The following DHRS7C variants were observed in gnomAD, a reference collection of about 807,000 sequenced individuals.
DHRS7C encodes dehydrogenase/reductase 7C, also known as dehydrogenase/reductase SDR family member 7C.
DHRS7C carries 28 observed loss-of-function variants against 29.6 expected under a neutral mutation model. The observed-to-expected ratio is 0.95, with a 90% CI of 0.70 to 1.30. The LOEUF is 1.30. DHRS7C is among the 50% of genes most tolerant of loss of function. DHRS7C has a pLI of 0.00. For synonymous variants in DHRS7C, 158 were observed against 160.2 expected, an observed-to-expected ratio of 0.99 and a Z score of 0.10; for missense variants, 403 against 393.3, an observed-to-expected ratio of 1.02 and a Z score of -0.21.
At chr17:9,783,331 C>T (rs374264974) in intron 1 of DHRS7C, among the ~76,000 whole-genome samples, 4 of 152,038 alleles carry the variant, frequency 2.6e-5, no homozygotes, top group East Asian at 1.9e-4. Flanking sequence ...AGAGGCTGTC[C>T]GTGATGAGTC....
At chr17:9,789,571 T>C (rs554175119) in intron 1 of DHRS7C, among the ~76,000 whole-genome samples, 2 of 151,978 alleles carry the variant, frequency 1.3e-5, no homozygotes, top group Non-Finnish European at 2.9e-5. Flanking sequence ...AATACACTAA[T>C]GTGGTGTGCA....
chr17:9,791,369 A>G lies in DHRS7C; in HGVS notation c.-85T>C. The G allele has an allele frequency of 2.0e-6, 3 of 1,498,516 alleles. No individual in the cohort carries two copies. The highest frequency in any genetic ancestry group is 1.3e-5 in the South Asian group (1 of 76,852). 92.8% of individuals were successfully genotyped at this position (1,498,516 alleles called of 1,614,324 possible). A position where few individuals can be genotyped will look rare whatever the true frequency, so the allele number is the denominator to read the frequency against. ...GACTCCCAGGGCAGGGGGAGGCCCA[A>G]GGCTGCAGGGAGCTCAGCTCTGTGC... is the stretch of plus-strand genomic sequence containing the variant. On this transcript the variant is annotated 5_prime_UTR_variant, in exon 1 of 6. Transcript: ENST00000571134.
chr17:9,781,741 T>C, intron 1 of DHRS7C, 147 bp from the exon 2 acceptor site: 1 of 692,112 alleles, frequency 1.4e-6, no homozygotes, highest in Non-Finnish European at 2.4e-6. Context: ...TTGAACTCCC[T>C]CCCCGGGCTG....
chr17:9,790,719 GT>G (rs1006248353), intron 1 of DHRS7C, among the ~76,000 whole-genome samples: 1 of 152,220 alleles, frequency 6.6e-6, no homozygotes, highest in Admixed American at 6.5e-5. Flanking sequence ...CAGATGAGAA[GT>G]TTAAGGCAGA....
intron 1 of DHRS7C, among the ~76,000 whole-genome samples, chr17:9,789,629 G>C (rs2066443138): frequency 6.6e-6 from 1 of 152,124 alleles, no homozygotes; most frequent in South Asian, 2.1e-4. Context: ...CCATTCAAGA[G>C]GAAGGAGCAA....
chr17:9,776,319 A>T (rs767185292), intron 4 of DHRS7C, among the ~76,000 whole-genome samples: 7 of 152,236 alleles, frequency 4.6e-5, no homozygotes, highest in African/African-American at 1.7e-4. Context: ...TCTGCAAGCC[A>T]GGGAGAAGGG....
intron 1 of DHRS7C, among the ~76,000 whole-genome samples, chr17:9,790,380 C>A (rs1230728088): frequency 6.6e-6 from 1 of 152,208 alleles, no homozygotes. Context: ...AACTTAAGGA[C>A]AATTACGGCC....
intron 2 of DHRS7C, 44 bp downstream of exon 2, chr17:9,781,438 G>A: frequency 1.3e-6 from 2 of 1,576,652 alleles, no homozygotes; most frequent in Non-Finnish European, 1.7e-6. Flanking sequence ...ATGGAGGCTG[G>A]GAGTTCCCAG....
intron 1 of DHRS7C, among the ~76,000 whole-genome samples, chr17:9,789,307 G>A (rs765341124): frequency 3.3e-5 from 5 of 152,140 alleles, no homozygotes; most frequent in African/African-American, 4.8e-5. Flanking sequence ...CATACAGAGC[G>A]TATTCTCCAA....
At position 9,774,921 on chromosome 17, in the gene DHRS7C, C is replaced by A. The variant is rs1390955567; in HGVS notation, c.572-1999G>T. On this transcript the variant is annotated intron_variant, in intron 4 of 5. Transcript: ENST00000571134. This position sits in a 1 kb window ranked among gnomAD's most constrained non-coding sequence, Gnocchi z 5.0. ...GACATTTACATGGGAAACTCTGTGC[C>A]CCTCAATTCCTCAGCTTCAGAGAAG... is the stretch of plus-strand genomic sequence containing the variant. 6.6e-6 allele frequency among the ~76,000 whole-genome samples: 1 copy of A among 152,106 alleles called. No homozygotes were observed. The highest frequency in any genetic ancestry group is 1.5e-5 in the Non-Finnish European group (1 of 68,024).
chr17:9,779,495 T>G (rs1467607852), intron 3 of DHRS7C, among the ~76,000 whole-genome samples: 4 of 152,062 alleles, frequency 2.6e-5, no homozygotes, highest in Non-Finnish European at 5.9e-5. Context: ...GTTGAGACAA[T>G]TGTTGGAGGA....
chr17:9,781,884 AC>A (rs929977973), intron 1 of DHRS7C, among the ~76,000 whole-genome samples: 1 of 152,200 alleles, frequency 6.6e-6, no homozygotes, highest in Non-Finnish European at 1.5e-5. Context: ...AGAAGGATGA[AC>A]CTGCCCACCT....
chr17:9,771,840 G>A (rs2066330934), intron 5 of DHRS7C, 144 bp from the exon 6 acceptor site: 7 of 778,988 alleles, frequency 9.0e-6, no homozygotes, highest in South Asian at 4.4e-5. Flanking sequence ...CGCCACCCGC[G>A]GACCGCGGCG....
In DHRS7C at chr17:9,777,238, C is replaced by T. The variant is rs748031578; in HGVS notation, c.526G>A (p.Val176Met). The change falls in exon 4 of 6, where the codon GTG becomes ATG. Residue 176 changes from valine (V) to methionine (M), a missense_variant. Physicochemically the swap from Val to Met is conservative, Grantham distance 21. Coordinates refer to ENST00000571134, the MANE Select transcript of DHRS7C (RefSeq NM_001105571.3). ...ISRRTGQIVLVNNIQGKFGIP... is the reference protein window; with the variant it reads ...ISRRTGQIVLMNNIQGKFGIP... The stretch of plus-strand genomic sequence containing the variant: ...CCAAACTTCCCTTGGATATTATTCA[C>T]TAACACGATTTGGCCTGTTCTCCGG... 3 of 1,613,866 alleles carry T rather than the reference C, an allele frequency of 1.9e-6. No homozygotes were observed. Among genetic ancestry groups the T allele is most frequent in the Admixed American group, 1.7e-5 (1 of 59,982 alleles).
intron 1 of DHRS7C, among the ~76,000 whole-genome samples, chr17:9,788,178 T>A (rs1339236016): frequency 6.6e-6 from 1 of 152,196 alleles, no homozygotes; most frequent in Non-Finnish European, 1.5e-5. Flanking sequence ...GGTTGGCTAT[T>A]CCGATAGCCA....
chr17:9,783,653 C>T (rs944125572), intron 1 of DHRS7C, among the ~76,000 whole-genome samples: 26 of 152,052 alleles, frequency 1.7e-4, no homozygotes, highest in Admixed American at 1.1e-3. Flanking sequence ...GTTGAGCCAA[C>T]GGGAAAAGAA....
chr17:9,788,432 C>A (rs2066436669), intron 1 of DHRS7C, among the ~76,000 whole-genome samples: 1 of 152,062 alleles, frequency 6.6e-6, no homozygotes, highest in African/African-American at 2.4e-5. Flanking sequence ...GTCTCGAACT[C>A]CTGACCTCAA....
At chr17:9,778,003 A>G (rs186007148) in intron 3 of DHRS7C, among the ~76,000 whole-genome samples, 23 of 152,304 alleles carry the variant, frequency 1.5e-4, no homozygotes, top group Middle Eastern at 3.4e-3. Context: ...TAATAATAGT[A>G]TAGGCGGAAT....
At chr17:9,781,054 T>A (rs1444277555) in intron 2 of DHRS7C, among the ~76,000 whole-genome samples, 1 of 152,238 alleles carries the variant, frequency 6.6e-6, no homozygotes, top group African/African-American at 2.4e-5. Flanking sequence ...GAAAAACCTT[T>A]GGAAACTGCA....
Sources: allele counts gnomAD v4.1 joint callset (sites outside exome capture counted in the v4.1 genomes callset), GRCh38; gene constraint gnomAD v4.1.1; non-coding constraint Gnocchi (gnomAD v3.1); transcripts MANE v1.5; gene names NCBI Gene and HGNC (gene_info 2026-07-23, HGNC 2026-07-21).